LRRC9: variants seen among roughly 807,000 people sequenced by gnomAD.
The protein encoded by LRRC9 is leucine rich repeat containing 9.
Under a neutral mutation model 63.2 loss-of-function variants are expected in LRRC9, and 122 were observed. The ratio of observed to expected loss-of-function variants is 1.93; its 90% CI spans 1.67 to 2.24. The LOEUF (loss-of-function observed/expected upper bound fraction) is 2.24, where lower values mean the gene tolerates loss of function less well. Ranked by LOEUF, LRRC9 falls within the 30% of genes most tolerant of loss-of-function variation. LRRC9 has a pLI of 0.00. For synonymous variants in LRRC9, 366 were observed against 213.1 expected (o/e 1.72, Z -6.25); for missense variants, 1,071 against 627.7 (o/e 1.71, Z -7.55).
intron 7 of LRRC9, among the ~76,000 whole-genome samples, chr14:59,939,419 AGAG>A (rs1237820817): frequency 6.6e-6 from 1 of 151,998 alleles, no homozygotes; most frequent in East Asian, 1.9e-4. Flanking sequence ...AATTCTGATC[AGAG>A]GAGGGACTAA....
Position 59,981,841 on chromosome 14 carries a change from T to C in LRRC9, c.1879-7T>C, listed in dbSNP as rs1886961788. On this transcript the variant is annotated splice_region_variant and splice_polypyrimidine_tract_variant and intron_variant, in intron 15 of 31. Coordinates refer to ENST00000445360, the Ensembl canonical transcript of LRRC9. ...TGATTTTGCAATGTTTTTAATACAT[T>C]TTTTAGGTCAAGGCACCCTCTTTAT... 8.8e-6 allele frequency: 6 copies of C among 681,616 alleles called. No homozygotes were observed. Among genetic ancestry groups the C allele is most frequent in the Non-Finnish European group, 1.6e-5 (6 of 379,138 alleles). 42.2% of individuals were successfully genotyped at this position (681,616 alleles called of 1,614,324 possible). A position where few individuals can be genotyped will look rare whatever the true frequency, so the allele number is the denominator to read the frequency against.
intron 1 of LRRC9, among the ~76,000 whole-genome samples, chr14:59,921,340 A>G (rs1259460798): frequency 1.3e-5 from 2 of 152,134 alleles, no homozygotes; most frequent in Non-Finnish European, 2.9e-5. Context: ...ACCTTTCAGG[A>G]GGCTGTCACA....
At chr14:60,028,810 G>A (rs1891757862) in intron 28 of LRRC9, among the ~76,000 whole-genome samples, 1 of 152,120 alleles carries the variant, frequency 6.6e-6, no homozygotes, top group African/African-American at 2.4e-5. Context: ...CCCGCCAAGG[G>A]CAGAGACCAA....
At chr14:59,924,668 T>C (rs542081563) in intron 1 of LRRC9, among the ~76,000 whole-genome samples, 54 of 152,336 alleles carry the variant, frequency 3.5e-4, no homozygotes, top group Non-Finnish European at 7.6e-4. Flanking sequence ...TCAATACTTA[T>C]GACAGTTCTT....
At chr14:59,977,082 C>T (rs1471005646) in intron 13 of LRRC9, 143 bp from the exon 14 acceptor site, 5 of 542,410 alleles carry the variant, frequency 9.2e-6, no homozygotes, top group Admixed American at 7.1e-5. Flanking sequence ...ATGTGTTATG[C>T]GCTGTACAGT....
rs1030089029 is a variant in LRRC9 at position 59,959,629 on chromosome 14, C to A, written c.883-189C>A. ...GAGAAACTGGCTGACTGAATTTGCA[C>A]CCAACTTGAAATCACATGTTTGGCA... On this transcript the variant is annotated intron_variant, in intron 8 of 31. Coordinates refer to ENST00000445360, the Ensembl canonical transcript of LRRC9. 9.8e-5 allele frequency among the ~76,000 whole-genome samples: 15 copies of A among 152,296 alleles called. 1 individual carries two copies. The highest frequency in any genetic ancestry group is 6.5e-4 in the Admixed American group (10 of 15,300).
At chr14:60,024,863 C>T (rs1025457371) in intron 27 of LRRC9, among the ~76,000 whole-genome samples, 5 of 151,286 alleles carry the variant, frequency 3.3e-5, no homozygotes, top group Non-Finnish European at 5.9e-5. Context: ...ATTGTTGGAG[C>T]GTACTTACTG....
chr14:60,043,173 A>C (rs1028342882), intron 29 of LRRC9, among the ~76,000 whole-genome samples: 4 of 152,150 alleles, frequency 2.6e-5, no homozygotes, highest in African/African-American at 7.2e-5. Context: ...GAATTCATTT[A>C]TTAGCTCTTA....
At chr14:59,957,217 G>C (rs1883858963) in intron 8 of LRRC9, among the ~76,000 whole-genome samples, 1 of 152,164 alleles carries the variant, frequency 6.6e-6, no homozygotes, top group Non-Finnish European at 1.5e-5. Context: ...ATCCTGAAGT[G>C]TGTTTTCCAA....
intron 26 of LRRC9, among the ~76,000 whole-genome samples, chr14:60,020,725 C>T (rs561640692): frequency 2.1e-4 from 32 of 151,950 alleles, no homozygotes; most frequent in African/African-American, 5.1e-4. Context: ...ATAAAATAGA[C>T]GGTCTTTTGC....
chr14:59,935,616 A>G (rs1033302637), intron 6 of LRRC9, among the ~76,000 whole-genome samples: 4 of 152,214 alleles, frequency 2.6e-5, no homozygotes, highest in Non-Finnish European at 4.4e-5. Flanking sequence ...AGCTATGAAC[A>G]TTAAATTCAG....
chr14:59,983,485 C>G (rs1594939429), intron 16 of LRRC9, among the ~76,000 whole-genome samples: 1 of 152,110 alleles, frequency 6.6e-6, no homozygotes, highest in Non-Finnish European at 1.5e-5. Context: ...GTAGGAAGCT[C>G]AGAGTTACTG....
intron 23 of LRRC9, among the ~76,000 whole-genome samples, chr14:60,015,384 T>C (rs1018424355): frequency 1.3e-5 from 2 of 152,172 alleles, no homozygotes; most frequent in African/African-American, 4.8e-5. Context: ...GGGTATTATG[T>C]GGGTCTTATT....
intron 23 of LRRC9, among the ~76,000 whole-genome samples, chr14:60,012,184 T>A (rs1251177876): frequency 1.3e-5 from 2 of 152,176 alleles, no homozygotes; most frequent in East Asian, 3.9e-4. Context: ...ACTTTGGAAA[T>A]GGCATAGTTC....
rs766760671 is a variant in LRRC9, at chr14:60,003,900, G to C, written c.2842+102G>C. On this transcript the variant is annotated intron_variant, in intron 21 of 31. Coordinates refer to ENST00000445360, the Ensembl canonical transcript of LRRC9. This position sits in a 1 kb window ranked among gnomAD's most constrained non-coding sequence, Gnocchi z 4.2. ...GAGTTTCTGAAGAGGAAGATCTCTA[G>C]GAAAGTTCCAAGTTTTTGTGGCAGG... 2.3e-4 allele frequency: 121 copies of C among 515,784 alleles called. 1 individual carries two copies. The Middle Eastern group carries it at 8.9e-3, about 38-fold the overall frequency. 32.0% of individuals were successfully genotyped at this position (515,784 alleles called of 1,614,324 possible). A position where few individuals can be genotyped will look rare whatever the true frequency, so the allele number is the denominator to read the frequency against.
rs1352777535 is a variant in LRRC9, at chr14:59,927,020, C to T, written c.-33-891C>T. Among the ~76,000 whole-genome samples the T allele has an allele frequency of 1.3e-5, 2 of 152,096 alleles. No individual in the cohort carries two copies. The highest frequency in any genetic ancestry group is 2.9e-5 in the Non-Finnish European group (2 of 67,970). On this transcript the variant is annotated intron_variant, in intron 1 of 31. Transcript: ENST00000445360. This position sits in a 1 kb window ranked among gnomAD's most constrained non-coding sequence, Gnocchi z 4.4. ...CCATTTTTGCCTAGATCTCTCCCAT[C>T]CAGCTTTACATTTGTATTCTGGCCA...
At chr14:59,996,457 G>T (rs890774745) in intron 17 of LRRC9, among the ~76,000 whole-genome samples, 12 of 152,024 alleles carry the variant, frequency 7.9e-5, no homozygotes, top group African/African-American at 2.7e-4. Context: ...TTCCATTCTG[G>T]ATTAAAAGAG....
At chr14:59,988,318 G>C (rs1393638022) in intron 17 of LRRC9, among the ~76,000 whole-genome samples, 2 of 152,136 alleles carry the variant, frequency 1.3e-5, no homozygotes, top group Non-Finnish European at 2.9e-5. Flanking sequence ...GACTGAACTT[G>C]TTGGAAGGGA....
At chr14:60,014,799 G>A (rs1013332241) in intron 23 of LRRC9, among the ~76,000 whole-genome samples, 5 of 151,836 alleles carry the variant, frequency 3.3e-5, no homozygotes, top group Non-Finnish European at 4.4e-5. Flanking sequence ...CTTAGTTTAT[G>A]TCTTTTGCCA....
Sources: gnomAD v4.1 joint callset for allele counts (sites outside exome capture counted in the v4.1 genomes callset) on GRCh38, gnomAD v4.1.1 for gene constraint, Gnocchi (gnomAD v3.1) non-coding constraint, MANE v1.5 for transcripts, NCBI Gene and HGNC (gene_info 2026-07-23, HGNC 2026-07-21) for gene names.